SCN10A: variants seen among roughly 807,000 people sequenced by gnomAD.
SCN10A encodes sodium voltage-gated channel alpha subunit 10.
In SCN10A, 162 loss-of-function variants were observed where a neutral mutation model predicts 170.7. The ratio of observed to expected loss-of-function variants is 0.95; its 90% CI spans 0.84 to 1.08. The LOEUF (loss-of-function observed/expected upper bound fraction) is 1.08. Ranked by LOEUF, SCN10A falls within the 50% of genes least tolerant of loss-of-function variation. The pLI, the probability that SCN10A is intolerant of heterozygous loss-of-function variation, is 0.00. For missense variants in SCN10A, 2,527 were observed against 2,436.9 expected (o/e 1.04, Z -0.78); for synonymous variants, 985 against 904.6 (o/e 1.09, Z -1.59).
Position 38,698,563 on chromosome 3 carries a change from CT to C in SCN10A, c.4658-2del. 6.2e-7 allele frequency: 1 copy of C among 1,609,532 alleles called. No individual in the cohort carries two copies. Among genetic ancestry groups the C allele is most frequent in the South Asian group, 1.1e-5 (1 of 90,984 alleles). ...TTAAGAATTGCAGAAAAAATCAGGC[CT>C]TTAAAAGAAGGAAGAAATTATCTAA... On this transcript the variant is annotated splice_acceptor_variant, in intron 27 of 27. Coordinates refer to ENST00000449082, the MANE Select transcript of SCN10A (RefSeq NM_006514.4). LOFTEE classifies it high-confidence loss of function.
chr3:38,712,104 C>T, intron 23 of SCN10A, 57 bp downstream of exon 23: 7 of 1,563,754 alleles, frequency 4.5e-6, no homozygotes, highest in Non-Finnish European at 4.4e-6. Context: ...AACCTAGACT[C>T]TCCATTTTAT....
intron 1 of SCN10A, among the ~76,000 whole-genome samples, chr3:38,809,593 T>C (rs4395346): frequency 0.48 from 72,246 of 152,070 alleles, 18,935 homozygotes; most frequent in African/African-American, 0.71. Flanking sequence ...AATGGGTTAG[T>C]GGTTAGTAGA....
At chr3:38,717,692 A>C (rs901961822) in intron 21 of SCN10A, among the ~76,000 whole-genome samples, 3 of 152,228 alleles carry the variant, frequency 2.0e-5, no homozygotes, top group African/African-American at 7.2e-5. Flanking sequence ...GCAAGCACCA[A>C]ATACAGACAC....
In SCN10A at chr3:38,757,078, C is replaced by G; in HGVS notation, c.1032G>C (p.Trp344Cys). The G allele has an allele frequency of 6.2e-7, 1 of 1,613,802 alleles. No homozygotes were observed. The highest frequency in any genetic ancestry group is 8.5e-7 in the Non-Finnish European group (1 of 1,179,888). The change falls in exon 9 of 28, where the codon TGG becomes TGC. Residue 344 changes from tryptophan (W) to cysteine (C), a missense_variant. Trp to Cys is a radical substitution (Grantham distance 215, BLOSUM62 -2). Coordinates refer to ENST00000449082, the MANE Select transcript of SCN10A (RefSeq NM_006514.4). ...FNYTSFDSFA[W>C]AFLSLFRLMT... The stretch of plus-strand genomic sequence containing the variant: ...TGAGGCGGAACAGTGAGAGGAAAGC[C>G]CAAGCAAAGGAATCAAAGCTGGTGT...
chr3:38,763,060 T>C (rs940642557), intron 6 of SCN10A, among the ~76,000 whole-genome samples: 2 of 152,210 alleles, frequency 1.3e-5, no homozygotes, highest in Non-Finnish European at 2.9e-5. Context: ...CTAATTCTTT[T>C]TTCCTCTGGG....
At chr3:38,763,807 G>A (rs1400899577) in intron 5 of SCN10A, among the ~76,000 whole-genome samples, 1 of 152,192 alleles carries the variant, frequency 6.6e-6, no homozygotes, top group African/African-American at 2.4e-5. Context: ...AAGATGCATT[G>A]TGATCTAGGC....
chr3:38,815,762 G>T (rs537672617), intron 1 of SCN10A, among the ~76,000 whole-genome samples: 1 of 152,184 alleles, frequency 6.6e-6, no homozygotes, highest in Non-Finnish European at 1.5e-5. Flanking sequence ...TAAACTTGAC[G>T]TTGATGTAGC....
intron 15 of SCN10A, among the ~76,000 whole-genome samples, chr3:38,737,767 TCC>T (rs1487766100): frequency 0.078 from 7,623 of 98,138 alleles, 358 homozygotes; most frequent in East Asian, 0.14. Flanking sequence ...CCTCCCTCCC[TCC>T]CTCTCTCTCT....
In SCN10A at chr3:38,707,289, G is replaced by C. The variant is rs757704367; in HGVS notation, c.4376C>G (p.Pro1459Arg). Residue 1459 changes from proline to arginine, a missense_variant, in exon 26 of 28, where the codon CCA becomes CGA. Pro to Arg is a moderately radical substitution (Grantham distance 103). Transcript: ENST00000449082. ...LGSKKPQKPIPRPLNKFQGFV... is the reference protein window; with the variant it reads ...LGSKKPQKPIRRPLNKFQGFV... ...ACCTCTGGGGCTCACCAGGGGCCGT[G>C]GGATGGGCTTCTGGGGCTTCTTGGA... 3.1e-6 allele frequency: 5 copies of C among 1,613,988 alleles called. No individual in the cohort carries two copies. Among genetic ancestry groups the C allele is most frequent in the Non-Finnish European group, 3.4e-6 (4 of 1,179,990 alleles).
At position 38,742,399 on chromosome 3, in the gene SCN10A, A is replaced by G. The variant is rs767906427; in HGVS notation, c.1998T>C (p.Phe666=). Residue 666 remains phenylalanine (F), a synonymous_variant, in exon 14 of 28, where the codon TTT becomes TTC. Coordinates refer to ENST00000449082, the MANE Select transcript of SCN10A (RefSeq NM_006514.4). ...TILFGLVTDP[F]AELTITLCIV... is the part of the protein sequence containing the mutation. ...TGCACAAGGTGATGGTGAGCTCTGC[A>G]AAGGGATCCGTCACAAGCCCAAAGA... 2.5e-6 allele frequency: 4 copies of G among 1,614,090 alleles called. No homozygotes were observed. The highest frequency in any genetic ancestry group is 3.4e-6 in the Non-Finnish European group (4 of 1,180,046).
chr3:38,714,731 G>A (rs1018247296), intron 21 of SCN10A, among the ~76,000 whole-genome samples: 1 of 152,194 alleles, frequency 6.6e-6, no homozygotes, highest in Non-Finnish European at 1.5e-5. Flanking sequence ...AGCTTCAATA[G>A]ATATCTGAGA....
At chr3:38,787,622 C>T (rs1271766713) in intron 4 of SCN10A, among the ~76,000 whole-genome samples, 11 of 151,856 alleles carry the variant, frequency 7.2e-5, no homozygotes, top group African/African-American at 1.7e-4. Flanking sequence ...TTAAGTATGA[C>T]GCTTGATACT....
rs375940680 is a variant in SCN10A, at chr3:38,698,371, C to A, written c.4849G>T (p.Val1617Phe). The A allele has an allele frequency of 2.4e-4, 381 of 1,614,022 alleles. No individual in the cohort carries two copies. Among genetic ancestry groups the A allele is most frequent in the Non-Finnish European group, 3.1e-4 (369 of 1,180,024 alleles). ...CCGAAGATAGAGTAGATGAACATGA[C>A]AAGGAATAGCAACAGCCCGATGTTG... is the stretch of plus-strand genomic sequence containing the variant. Reference protein sequence around the residue: ...LFNIGLLLFLVMFIYSIFGMS... With the variant: ...LFNIGLLLFLFMFIYSIFGMS... Residue 1617 changes from valine (V) to phenylalanine (F), a missense_variant, in exon 28 of 28, where the codon GTC becomes TTC. Val to Phe is a conservative substitution (Grantham distance 50). Coordinates refer to ENST00000449082, the MANE Select transcript of SCN10A (RefSeq NM_006514.4).
intron 25 of SCN10A, among the ~76,000 whole-genome samples, chr3:38,707,929 C>T (rs188338964): frequency 6.6e-6 from 1 of 152,296 alleles, no homozygotes; most frequent in East Asian, 1.9e-4. Flanking sequence ...AGTCACACTG[C>T]CCTCTGCTGT....
rs764939256 is a variant in SCN10A at position 38,712,451 on chromosome 3, G to A, written c.3805-6C>T. On this transcript the variant is annotated splice_polypyrimidine_tract_variant and splice_region_variant and intron_variant, in intron 22 of 27. Transcript: ENST00000449082. ...ACCAGGGCATCCACCACCACCTGGT[G>A]GGAGATAGAGAAAGACCTGGAACCT... 1 of 1,612,278 alleles carries A rather than the reference G, an allele frequency of 6.2e-7. No individual in the cohort carries two copies. Among genetic ancestry groups the A allele is most frequent in the African/African-American group, 1.3e-5 (1 of 74,850 alleles).
intron 26 of SCN10A, among the ~76,000 whole-genome samples, chr3:38,705,164 C>T (rs967329147): frequency 1.3e-5 from 2 of 152,200 alleles, no homozygotes; most frequent in Non-Finnish European, 1.5e-5. Flanking sequence ...CTGTTGGCAT[C>T]CCTGCCACTT....
intron 11 of SCN10A, among the ~76,000 whole-genome samples, chr3:38,754,296 G>A (rs1339779768): frequency 6.6e-6 from 1 of 152,172 alleles, no homozygotes. Context: ...AAAACACCAT[G>A]TATGTGTCTC....
At chr3:38,739,864 A>G (rs1201484300) in intron 14 of SCN10A, among the ~76,000 whole-genome samples, 176 bp from the exon 15 acceptor site, 2 of 152,234 alleles carry the variant, frequency 1.3e-5, no homozygotes, top group African/African-American at 4.8e-5. Context: ...ACGTGACAGA[A>G]TGGAGACATT....
At chr3:38,707,147 C>T (rs916465185) in intron 26 of SCN10A, 132 bp downstream of exon 26, 3 of 904,214 alleles carry the variant, frequency 3.3e-6, no homozygotes, top group African/African-American at 3.3e-5. Flanking sequence ...ACCCTCATCA[C>T]CCTCATCCCA....
Sources: allele counts gnomAD v4.1 joint callset (sites outside exome capture counted in the v4.1 genomes callset), GRCh38; gene constraint gnomAD v4.1.1; transcripts MANE v1.5; gene names NCBI Gene and HGNC (gene_info 2026-07-23, HGNC 2026-07-21).